Variants in KCNN2 observed in about 807,000 individuals in gnomAD.
KCNN2 encodes the protein potassium calcium-activated channel subfamily N member 2.
Under a neutral mutation model 55.5 loss-of-function variants are expected in KCNN2, and 24 were observed. The observed-to-expected ratio is 0.43, with a 90% CI of 0.31 to 0.61. The LOEUF is 0.61. KCNN2 is among the 20% of genes least tolerant of loss of function. The probability of loss-of-function intolerance (pLI) is 0.08; values close to 1 mark genes in which losing one functional copy is unlikely to be tolerated. For synonymous variants in KCNN2, 431 were observed against 336.1 expected (o/e 1.28, Z -3.09); for missense variants, 754 against 853.6 (o/e 0.88, Z 1.45).
intron 2 of KCNN2, among the ~76,000 whole-genome samples, chr5:114,401,044 A>G (rs902085205): frequency 2.0e-5 from 3 of 149,836 alleles, no homozygotes; most frequent in Admixed American, 1.3e-4. Context: ...TCTGTTCATC[A>G]TAAATGCTGC....
chr5:114,166,371 C>A (rs983248157), intron 1 of KCNN2, among the ~76,000 whole-genome samples: 5 of 152,128 alleles, frequency 3.3e-5, no homozygotes, highest in African/African-American at 1.2e-4. Context: ...TCACCAACCT[C>A]AGGCGAGTGT....
intron 1 of KCNN2, among the ~76,000 whole-genome samples, chr5:114,141,364 G>A (rs1252648977): frequency 6.6e-6 from 1 of 151,984 alleles, no homozygotes; most frequent in African/African-American, 2.4e-5. Context: ...CCACCTATGA[G>A]TGAGAACACG....
chr5:114,233,320 A>G (rs188848080), intron 2 of KCNN2, among the ~76,000 whole-genome samples: 2 of 152,264 alleles, frequency 1.3e-5, no homozygotes, highest in East Asian at 1.9e-4. Flanking sequence ...GTGATAGGCA[A>G]CTTTGCGTAT....
intron 1 of KCNN2, among the ~76,000 whole-genome samples, chr5:114,123,629 C>G (rs538876179): frequency 4.7e-5 from 3 of 63,704 alleles, no homozygotes; most frequent in Non-Finnish European, 9.9e-5. Flanking sequence ...TCCCAAAGTG[C>G]TGGGATTACA....
intron 3 of KCNN2, among the ~76,000 whole-genome samples, chr5:114,426,605 A>T (rs1759633114): frequency 1.3e-5 from 2 of 152,198 alleles, no homozygotes; most frequent in African/African-American, 2.4e-5. Context: ...TGATGATTTT[A>T]TAGGCCTCTC....
chr5:114,370,937 A>G (rs1580758579), intron 2 of KCNN2, among the ~76,000 whole-genome samples: 1 of 148,892 alleles, frequency 6.7e-6, no homozygotes, highest in African/African-American at 2.5e-5. Flanking sequence ...ATTGGTCTGG[A>G]TACTATTAGG....
chr5:114,299,989 A>G (rs1393166387), intron 2 of KCNN2, among the ~76,000 whole-genome samples: 1 of 148,646 alleles, frequency 6.7e-6, no homozygotes, highest in Admixed American at 6.8e-5. Context: ...TTCTGGGGCT[A>G]TGCCCCAGAA....
chr5:114,155,678 ATCT>A (rs918186897), intron 1 of KCNN2, among the ~76,000 whole-genome samples: 10 of 152,218 alleles, frequency 6.6e-5, no homozygotes, highest in Admixed American at 6.5e-4. Context: ...CCACATGTAT[ATCT>A]TCTTTTCAAA....
chr5:114,237,402 A>C (rs1314316204), intron 2 of KCNN2, among the ~76,000 whole-genome samples: 2 of 152,094 alleles, frequency 1.3e-5, no homozygotes, highest in Non-Finnish European at 2.9e-5. Context: ...GAACTTCCAG[A>C]AATTGAGGGA....
At chr5:114,280,296 T>G (rs1580689014) in intron 2 of KCNN2, among the ~76,000 whole-genome samples, 1 of 152,326 alleles carries the variant, frequency 6.6e-6, no homozygotes. Context: ...CAGAAGCTCT[T>G]TAGCTTAATT....
rs1759982035 is a variant in KCNN2, at chr5:114,435,723, A to G, written c.1638-27326A>G. On this transcript the variant is annotated intron_variant, in intron 3 of 7. Coordinates refer to ENST00000673685, the MANE Select transcript of KCNN2 (RefSeq NM_021614.4). ...ATACATTTTACATTCTTTTCATTTA[A>G]GCATTCTACATCATGAGTAAATGTG... 2.0e-5 allele frequency among the ~76,000 whole-genome samples: 3 copies of G among 152,170 alleles called. No individual in the cohort carries two copies. In the South Asian group the frequency reaches 6.2e-4, roughly 31 times the overall value.
intron 1 of KCNN2, among the ~76,000 whole-genome samples, chr5:114,141,849 T>C (rs1401711217): frequency 6.6e-6 from 1 of 152,200 alleles, no homozygotes; most frequent in Non-Finnish European, 1.5e-5. Flanking sequence ...GGTATCTCAT[T>C]GTGATTTTGA....
chr5:114,241,824 GTA>G (rs70976327), intron 2 of KCNN2, among the ~76,000 whole-genome samples: 1 of 31,946 alleles, frequency 3.1e-5, no homozygotes, highest in African/African-American at 1.1e-4. Context: ...ATATATGTGT[GTA>G]TATATATATA....
At chr5:114,381,782 G>C (rs1758133779) in intron 2 of KCNN2, among the ~76,000 whole-genome samples, 3 of 152,152 alleles carry the variant, frequency 2.0e-5, no homozygotes, top group Admixed American at 2.0e-4. Flanking sequence ...CTGTGGCTAT[G>C]CTTTACCTTC....
chr5:114,360,942 C>G (rs1021758561), upstream of KCNN2: 11 of 153,104 alleles, frequency 7.2e-5, no homozygotes, highest in Non-Finnish European at 1.0e-4. Context: ...GTCTGCGCTG[C>G]AGGTGAGGAG....
chr5:114,483,713 CTGTGTGTGTGTGTG>C (rs3070952), intron 5 of KCNN2, among the ~76,000 whole-genome samples: 3 of 148,234 alleles, frequency 2.0e-5, no homozygotes, highest in Non-Finnish European at 3.0e-5. Context: ...TATTTTTCAA[CTGTGTGTGTGTGTG>C]TGTGTGTGTG....
At chr5:114,109,885 T>A (rs191104887) in intron 1 of KCNN2, among the ~76,000 whole-genome samples, 2 of 152,176 alleles carry the variant, frequency 1.3e-5, no homozygotes. Context: ...GGTAGTACTA[T>A]GATTTGAAAG....
intron 1 of KCNN2, among the ~76,000 whole-genome samples, chr5:114,211,238 CT>C (rs1341136682): frequency 6.6e-6 from 1 of 152,126 alleles, no homozygotes; most frequent in East Asian, 1.9e-4. Context: ...ATAAATTGTT[CT>C]GTCATAAAAA....
chr5:114,273,624 A>ATG (rs1238333633), intron 2 of KCNN2, among the ~76,000 whole-genome samples: 2 of 152,104 alleles, frequency 1.3e-5, no homozygotes, highest in Admixed American at 6.6e-5. Context: ...GCATTTTTTC[A>ATG]TGTCTGTTGG....
Sources: gnomAD v4.1 joint callset for allele counts (sites outside exome capture counted in the v4.1 genomes callset) on GRCh38, gnomAD v4.1.1 for gene constraint, MANE v1.5 for transcripts, NCBI Gene and HGNC (gene_info 2026-07-23, HGNC 2026-07-21) for gene names.